Variants in HS1BP3 observed in about 807,000 individuals in gnomAD.
The protein encoded by HS1BP3 is HCLS1 binding protein 3, also known as HCLS1-binding protein 3.
Under a neutral mutation model 33.5 loss-of-function variants are expected in HS1BP3, and 32 were observed. The observed-to-expected ratio is 0.95, with a 90% CI of 0.72 to 1.28. HS1BP3 has a LOEUF of 1.28. Among genes scored for constraint, HS1BP3 ranks in the 50% most tolerant of loss-of-function variants. The pLI, the probability that HS1BP3 is intolerant of heterozygous loss-of-function variation, is 0.00. For missense variants in HS1BP3, 486 were observed against 502.3 expected (o/e 0.97, Z 0.31); for synonymous variants, 187 against 209.2 (o/e 0.89, Z 0.92).
chr2:20,580,593 A>C (rs1416094358), intron 5 of HS1BP3, among the ~76,000 whole-genome samples: 1 of 152,182 alleles, frequency 6.6e-6, no homozygotes, highest in African/African-American at 2.4e-5. Flanking sequence ...AAGGAATCAA[A>C]GGTTATAAAA....
chr2:20,638,372 G>A (rs777672763), intron 4 of HS1BP3, 64 bp downstream of exon 4: 109 of 1,469,620 alleles, frequency 7.4e-5, no homozygotes, highest in South Asian at 3.5e-4. Context: ...CCAGGGAAGG[G>A]GGACGTCATC....
At chr2:20,562,564 C>A (rs1693027114) in intron 5 of HS1BP3, among the ~76,000 whole-genome samples, 1 of 152,190 alleles carries the variant, frequency 6.6e-6, no homozygotes, top group Non-Finnish European at 1.5e-5. Context: ...GCTGCTCTAG[C>A]AAATTAATGG....
chr2:20,578,784 T>C (rs1234606772), intron 5 of HS1BP3, among the ~76,000 whole-genome samples: 2 of 152,090 alleles, frequency 1.3e-5, no homozygotes, highest in African/African-American at 4.8e-5. Flanking sequence ...AGGCTCAGAA[T>C]GGGAAAGTAA....
rs200568442 is a variant in HS1BP3, at chr2:20,645,477, C to T, written c.61G>A (p.Asp21Asn). 7.6e-5 allele frequency: 123 copies of T among 1,613,554 alleles called. No homozygotes were observed. Among genetic ancestry groups the T allele is most frequent in the South Asian group, 1.8e-4 (16 of 91,004 alleles). The change falls in exon 2 of 7, where the codon GAC becomes AAC. Residue 21 changes from aspartate (D) to asparagine (N), a missense_variant. Coordinates refer to ENST00000304031, the MANE Select transcript of HS1BP3 (RefSeq NM_022460.4). ...TCCTGGTGCTGGGGCACAGTCAGGTCGAGGCCAGTGTGGGCATTCTGAAGT... is the reference window on the plus strand; with the variant it reads ...TCCTGGTGCTGGGGCACAGTCAGGTTGAGGCCAGTGTGGGCATTCTGAAGT... ...RRLQNAHTGL[D>N]LTVPQHQEVR... is the part of the protein sequence containing the mutation.
In HS1BP3 at chr2:20,619,121, TG is replaced by T; in HGVS notation, c.1044del (p.Ala350ArgfsTer62). 2 of 1,614,150 alleles carry T rather than the reference TG, an allele frequency of 1.2e-6. No individual in the cohort carries two copies. Among genetic ancestry groups the T allele is most frequent in the Non-Finnish European group, 1.7e-6 (2 of 1,180,010 alleles). On this transcript the variant is annotated frameshift_variant, in exon 7 of 7. Transcript: ENST00000304031. LOFTEE classifies it high-confidence loss of function. ...PVIPRKPAVPPKAGPAEAVAG... is the reference protein window; with the variant it reads ...PVIPRKPAVPXKAGPAEAVAG... ...GCCACAGCTTCAGCCGGGCCCGCTT[TG>T]GGGGGAACAGCTGGTTTTCTGGGTA...
chr2:20,650,320 G>A (rs1695653131), intron 1 of HS1BP3, among the ~76,000 whole-genome samples: 1 of 152,236 alleles, frequency 6.6e-6, no homozygotes, highest in Admixed American at 6.5e-5. Context: ...TTTAAAGGCG[G>A]AAAGAAGTAA....
downstream of HS1BP3, among the ~76,000 whole-genome samples, chr2:20,588,822 C>A (rs904819406): frequency 2.0e-5 from 3 of 152,228 alleles, no homozygotes; most frequent in South Asian, 2.1e-4. Flanking sequence ...AGAAGGCTTG[C>A]CTGAGGTCCC....
downstream of HS1BP3, among the ~76,000 whole-genome samples, chr2:20,590,528 G>C (rs79367050): frequency 2.4e-3 from 366 of 152,332 alleles, no homozygotes; most frequent in African/African-American, 7.3e-3. Context: ...TCTGGTTCCA[G>C]CTGTTGCTCT....
At chr2:20,600,992 A>G (rs1462825672) in intron 2 of HS1BP3, among the ~76,000 whole-genome samples, 2 of 152,222 alleles carry the variant, frequency 1.3e-5, no homozygotes, top group Non-Finnish European at 2.9e-5. Context: ...CTTTTTAACT[A>G]ATATTTTATT....
chr2:20,555,563 C>T (rs368418678), downstream of HS1BP3, among the ~76,000 whole-genome samples: 15 of 152,232 alleles, frequency 9.9e-5, no homozygotes, highest in African/African-American at 2.6e-4. Context: ...CCCATGAAGA[C>T]GAAAGCCCCA....
At chr2:20,573,217 C>T (rs1228305674) in intron 5 of HS1BP3, among the ~76,000 whole-genome samples, 1 of 152,184 alleles carries the variant, frequency 6.6e-6, no homozygotes, top group African/African-American at 2.4e-5. Context: ...GGTAGGTCTA[C>T]ATGCCCGGAG....
intron 2 of HS1BP3, among the ~76,000 whole-genome samples, chr2:20,612,295 C>T (rs374212906): frequency 2.6e-5 from 4 of 152,310 alleles, no homozygotes; most frequent in East Asian, 3.9e-4. Context: ...TTTTTCCAAT[C>T]ATTAAATTAT....
chr2:20,598,805 G>T (rs1468811766), intron 2 of HS1BP3, among the ~76,000 whole-genome samples: 1 of 151,994 alleles, frequency 6.6e-6, no homozygotes, highest in Non-Finnish European at 1.5e-5. Flanking sequence ...TGATCCGCCC[G>T]CCTCGGCCTC....
chr2:20,561,696 T>C (rs1442716920), intron 5 of HS1BP3, among the ~76,000 whole-genome samples: 3 of 152,226 alleles, frequency 2.0e-5, no homozygotes, highest in Non-Finnish European at 2.9e-5. Context: ...ACCCCTGCTG[T>C]GATACTGTGA....
In HS1BP3 at chr2:20,618,864, C is replaced by T; in HGVS notation, c.*123G>A. On this transcript the variant is annotated 3_prime_UTR_variant, in exon 7 of 7. Coordinates refer to ENST00000304031, the MANE Select transcript of HS1BP3 (RefSeq NM_022460.4). The stretch of plus-strand genomic sequence containing the variant: ...ACCATGCAGTTCTGGGTGCTGTGAC[C>T]CAGGCTTCTGCCTGGCCTCCCCTGG... 6.9e-7 allele frequency: 1 copy of T among 1,448,288 alleles called. No homozygotes were observed. Among genetic ancestry groups the T allele is most frequent in the South Asian group, 1.4e-5 (1 of 69,112 alleles). The allele number at this position is 1,448,288 out of a possible 1,614,324, so 89.7% of individuals were successfully genotyped here.
At chr2:20,602,256 C>T (rs548499570) in intron 2 of HS1BP3, among the ~76,000 whole-genome samples, 2 of 151,812 alleles carry the variant, frequency 1.3e-5, no homozygotes, top group Admixed American at 6.6e-5. Flanking sequence ...GAAAGAGCAA[C>T]GTCTCTTCTA....
At chr2:20,625,827 C>T (rs989058994) in intron 4 of HS1BP3, among the ~76,000 whole-genome samples, 2 of 152,174 alleles carry the variant, frequency 1.3e-5, no homozygotes, top group African/African-American at 2.4e-5. Context: ...TAAGTAAACA[C>T]GCATGGAGCT....
chr2:20,649,172 C>T (rs1357138048), intron 1 of HS1BP3, among the ~76,000 whole-genome samples: 5 of 152,220 alleles, frequency 3.3e-5, no homozygotes, highest in African/African-American at 9.7e-5. Flanking sequence ...GGCCCCTCCA[C>T]AGCCTTCTCG....
In HS1BP3 at chr2:20,618,841, C is replaced by T. The variant is rs1481850668; in HGVS notation, c.*146G>A. Reference sequence around the variant, plus strand: ...CCCACAGCCCCGGAGAAAATGGAACCATGCAGTTCTGGGTGCTGTGACCCA... The same window carrying T: ...CCCACAGCCCCGGAGAAAATGGAACTATGCAGTTCTGGGTGCTGTGACCCA... On this transcript the variant is annotated 3_prime_UTR_variant, in exon 7 of 7. Coordinates refer to ENST00000304031, the MANE Select transcript of HS1BP3 (RefSeq NM_022460.4). The T allele has an allele frequency of 4.9e-6, 7 of 1,428,212 alleles. No individual in the cohort carries two copies. In the Admixed American group the frequency reaches 1.2e-4, roughly 25 times the overall value. The allele number at this position is 1,428,212 out of a possible 1,614,324, so 88.5% of individuals were successfully genotyped here. A position where few individuals can be genotyped will look rare whatever the true frequency, so the allele number is the denominator to read the frequency against.
Sources: allele counts gnomAD v4.1 joint callset (sites outside exome capture counted in the v4.1 genomes callset), GRCh38; gene constraint gnomAD v4.1.1; transcripts MANE v1.5; gene names NCBI Gene and HGNC (gene_info 2026-07-23, HGNC 2026-07-21).